Variants in MAP3K5 observed in about 807,000 individuals in gnomAD.
MAP3K5 encodes the protein ASK-1.
A neutral mutation model predicts 158.7 loss-of-function variants in MAP3K5; 56 were observed. The observed-to-expected ratio is 0.35, with a 90% confidence interval of 0.28 to 0.44. The LOEUF is 0.44. Ranked by LOEUF, MAP3K5 falls within the 20% of genes least tolerant of loss-of-function variation. The pLI is 1.00. For synonymous variants in MAP3K5, 579 were observed against 601.7 expected (o/e 0.96, Z 0.55); for missense variants, 1,294 against 1,674.8 (o/e 0.77, Z 3.97).
At chr6:136,646,315 C>A (rs1778253378) in intron 11 of MAP3K5, among the ~76,000 whole-genome samples, 1 of 152,138 alleles carries the variant, frequency 6.6e-6, no homozygotes, top group Non-Finnish European at 1.5e-5. Flanking sequence ...CTATTTAATG[C>A]ACTTGTTTAT....
rs781330722 is a variant in MAP3K5, at chr6:136,592,156, C to A, written c.3225+17G>T. ...TATGTAACCTTTGGGAAATGAAGCACCTGGGAGAGGATTTACCTGAGCTAA... is the reference window on the plus strand; with the variant it reads ...TATGTAACCTTTGGGAAATGAAGCAACTGGGAGAGGATTTACCTGAGCTAA... On this transcript the variant is annotated intron_variant, in intron 23 of 29. Coordinates refer to ENST00000359015, the MANE Select transcript of MAP3K5 (RefSeq NM_005923.4). 6.4e-6 allele frequency: 10 copies of A among 1,551,544 alleles called. No homozygotes were observed. Among genetic ancestry groups the A allele is most frequent in the Non-Finnish European group, 8.7e-6 (10 of 1,150,154 alleles).
chr6:136,607,384 A>G (rs1220907315), intron 18 of MAP3K5, among the ~76,000 whole-genome samples: 1 of 152,230 alleles, frequency 6.6e-6, no homozygotes, highest in African/African-American at 2.4e-5. Flanking sequence ...CCATCTGCCA[A>G]TTGTGTTTAA....
At chr6:136,701,570 C>G (rs894795105) in intron 3 of MAP3K5, among the ~76,000 whole-genome samples, 1 of 152,146 alleles carries the variant, frequency 6.6e-6, no homozygotes, top group Non-Finnish European at 1.5e-5. Context: ...TTACCAAGAT[C>G]CCACAGCACA....
Position 136,639,561 on chromosome 6 carries a change from G to T in MAP3K5, c.1916C>A (p.Thr639Lys). 6.3e-7 allele frequency: 1 copy of T among 1,591,482 alleles called. No homozygotes were observed. The highest frequency in any genetic ancestry group is 8.6e-7 in the Non-Finnish European group (1 of 1,167,684). The part of the protein sequence containing the change: ...NSDDFQIYFC[T>K]ELHCKKFFEM... ...TACGTACTTTTTACAATGAAGTTCTGTACAGAAATAGATTTGGAAATCATC... is the reference window on the plus strand; with the variant it reads ...TACGTACTTTTTACAATGAAGTTCTTTACAGAAATAGATTTGGAAATCATC... The change falls in exon 13 of 30, where the codon ACA becomes AAA. Residue 639 changes from threonine (T) to lysine (K), a missense_variant. Physicochemically the swap from Thr to Lys is moderately conservative, Grantham distance 78. Transcript: ENST00000359015.
chr6:136,754,849 C>A (rs541434267), intron 1 of MAP3K5, among the ~76,000 whole-genome samples: 1 of 152,204 alleles, frequency 6.6e-6, no homozygotes, highest in South Asian at 2.1e-4. Flanking sequence ...GGAAACGGGG[C>A]TGAGGCACGT....
At chr6:136,684,255 C>T (rs1381813325) in intron 7 of MAP3K5, among the ~76,000 whole-genome samples, 1 of 151,780 alleles carries the variant, frequency 6.6e-6, no homozygotes, top group Non-Finnish European at 1.5e-5. Flanking sequence ...AAAATGTCAG[C>T]CTTGCCTACT....
chr6:136,586,139 A>C (rs1486300721), intron 23 of MAP3K5, among the ~76,000 whole-genome samples: 1 of 152,250 alleles, frequency 6.6e-6, no homozygotes, highest in Non-Finnish European at 1.5e-5. Context: ...TAAAATCACA[A>C]TGGGAACCAT....
intron 19 of MAP3K5, among the ~76,000 whole-genome samples, chr6:136,603,974 G>C (rs942628789): frequency 6.6e-6 from 1 of 152,188 alleles, no homozygotes; most frequent in Non-Finnish European, 1.5e-5. Flanking sequence ...TGCACAGATG[G>C]AATAAGAGCT....
chr6:136,616,549 T>C (rs538510172), intron 15 of MAP3K5, among the ~76,000 whole-genome samples: 80 of 151,734 alleles, frequency 5.3e-4, no homozygotes, highest in African/African-American at 1.9e-3. Context: ...AGATCACCTC[T>C]CCCCACCTCA....
intron 1 of MAP3K5, among the ~76,000 whole-genome samples, chr6:136,790,102 G>C (rs993946659): frequency 1.3e-5 from 2 of 152,144 alleles, no homozygotes; most frequent in African/African-American, 4.8e-5. Flanking sequence ...CACCTAAGAA[G>C]GTAAGTACTT....
At chr6:136,702,646 A>G (rs1780901593) in intron 3 of MAP3K5, among the ~76,000 whole-genome samples, 1 of 152,188 alleles carries the variant, frequency 6.6e-6, no homozygotes, top group Non-Finnish European at 1.5e-5. Context: ...ATAACAACAC[A>G]TGCTATAAAA....
At chr6:136,623,349 T>C (rs538422609) in intron 14 of MAP3K5, among the ~76,000 whole-genome samples, 2 of 152,342 alleles carry the variant, frequency 1.3e-5, no homozygotes, top group African/African-American at 2.4e-5. Context: ...CTAATAAATC[T>C]TCCTTTTGTT....
intron 15 of MAP3K5, among the ~76,000 whole-genome samples, chr6:136,616,300 CTTT>C (rs537263288): frequency 0.084 from 10,315 of 122,290 alleles, 837 homozygotes; most frequent in East Asian, 0.24. Flanking sequence ...ACCTGCTCCT[CTTT>C]TTTTTTTTTT....
chr6:136,742,157 T>A lies in MAP3K5; in HGVS notation c.449-21568A>T, dbSNP rs1782735815. Reference sequence around the variant, plus strand: ...ATTGACAAATTGATTCCTAAGTTTATGTGGAGAGGGAAAAGACCAGAAGAG... The same window carrying A: ...ATTGACAAATTGATTCCTAAGTTTAAGTGGAGAGGGAAAAGACCAGAAGAG... On this transcript the variant is annotated intron_variant, in intron 1 of 29. Transcript: ENST00000359015. Among the ~76,000 whole-genome samples, 3 of 152,170 alleles carry A rather than the reference T, an allele frequency of 2.0e-5. No homozygotes were observed. In the South Asian group the frequency reaches 6.2e-4, roughly 32 times the overall value.
intron 25 of MAP3K5, among the ~76,000 whole-genome samples, chr6:136,572,848 CAAAG>C: frequency 6.6e-6 from 1 of 152,172 alleles, no homozygotes; most frequent in African/African-American, 2.4e-5. Flanking sequence ...TTCTTTTTCT[CAAAG>C]AGATGACAAT....
intron 2 of MAP3K5, among the ~76,000 whole-genome samples, chr6:136,705,767 C>T (rs1781048522): frequency 6.6e-6 from 1 of 152,164 alleles, no homozygotes; most frequent in East Asian, 1.9e-4. Context: ...CAGCCACCAT[C>T]TCCTTGGGAG....
intron 21 of MAP3K5, among the ~76,000 whole-genome samples, chr6:136,596,716 A>G (rs1775648728): frequency 6.6e-6 from 1 of 152,218 alleles, no homozygotes; most frequent in Non-Finnish European, 1.5e-5. Flanking sequence ...AAAGAGCAAG[A>G]CAGGTGGTGC....
chr6:136,652,259 A>G (rs62422098), intron 10 of MAP3K5, among the ~76,000 whole-genome samples: 16,823 of 152,176 alleles, frequency 0.11, 1,192 homozygotes, highest in East Asian at 0.22. Flanking sequence ...GGAACTAGAG[A>G]AAGGGAGGTA....
chr6:136,757,090 T>C (rs1244897181), intron 1 of MAP3K5, among the ~76,000 whole-genome samples: 1 of 152,158 alleles, frequency 6.6e-6, no homozygotes, highest in Non-Finnish European at 1.5e-5. Context: ...CCTGCTTTGG[T>C]TCTAGACCAT....
Sources: gnomAD v4.1 joint callset for allele counts (sites outside exome capture counted in the v4.1 genomes callset) on GRCh38, gnomAD v4.1.1 for gene constraint, MANE v1.5 for transcripts, NCBI Gene and HGNC (gene_info 2026-07-23, HGNC 2026-07-21) for gene names.